Variants in RAB7A observed in about 807,000 individuals in gnomAD.
RAB7A encodes the protein ras-related protein Rab-7a.
RAB7A carries 2 observed loss-of-function variants against 24.5 expected under a neutral mutation model. The ratio of observed to expected loss-of-function variants is 0.08; its 90% CI spans 0.03 to 0.26. RAB7A has a LOEUF of 0.26. Ranked by LOEUF, RAB7A falls within the 10% of genes least tolerant of loss-of-function variation. The probability of loss-of-function intolerance (pLI) is 1.00; values close to 1 mark genes in which losing one functional copy is unlikely to be tolerated. For synonymous variants in RAB7A, 100 were observed against 95.9 expected (o/e 1.04, Z -0.25); for missense variants, 118 against 255.7 (o/e 0.46, Z 3.67).
chr3:128,753,440 G>A (rs76676090), intron 1 of RAB7A, among the ~76,000 whole-genome samples: 6,618 of 152,158 alleles, frequency 0.043, 230 homozygotes, highest in African/African-American at 0.095. Flanking sequence ...AGTAAATTTC[G>A]TATGCGTGTG....
At chr3:128,790,762 A>T (rs1018074402) in intron 1 of RAB7A, among the ~76,000 whole-genome samples, 52 of 152,304 alleles carry the variant, frequency 3.4e-4, no homozygotes, top group African/African-American at 1.2e-3. Context: ...TTTTTATAAC[A>T]TGCTTTTCAA....
rs1933978076 is a variant in RAB7A, at chr3:128,813,648, GC to G, written c.*229del. 8.8e-6 allele frequency: 5 copies of G among 568,668 alleles called. No homozygotes were observed. The highest frequency in any genetic ancestry group is 1.6e-5 in the Non-Finnish European group (5 of 307,192). The allele number at this position is 568,668 out of a possible 1,614,324, so 35.2% of individuals were successfully genotyped here. ...CTGACGTAATCAAACTCCAGCCCTT[GC>G]CCGTGATGGCTCCTTGGGGTCTGCC... On this transcript the variant is annotated 3_prime_UTR_variant, in exon 6 of 6. Coordinates refer to ENST00000265062, the MANE Select transcript of RAB7A (RefSeq NM_004637.6).
chr3:128,765,668 G>A (rs906096880), intron 1 of RAB7A, among the ~76,000 whole-genome samples: 7 of 151,920 alleles, frequency 4.6e-5, no homozygotes, highest in African/African-American at 7.3e-5. Context: ...GAGGTGGCTC[G>A]CTGCAGCCAC....
chr3:128,740,893 G>A (rs117527196), intron 1 of RAB7A, among the ~76,000 whole-genome samples: 5,487 of 74,730 alleles, frequency 0.073, 239 homozygotes, highest in South Asian at 0.28. Context: ...AGAGGGAGAT[G>A]TCTCAAAAAA....
chr3:128,812,684 C>G lies in RAB7A; in HGVS notation c.529-643C>G, dbSNP rs185488246. Among the ~76,000 whole-genome samples, 8 of 152,328 alleles carry G rather than the reference C, an allele frequency of 5.3e-5. No individual in the cohort carries two copies. The East Asian group carries it at 1.3e-3, about 26-fold the overall frequency. On this transcript the variant is annotated intron_variant, in intron 5 of 5. Coordinates refer to ENST00000265062, the MANE Select transcript of RAB7A (RefSeq NM_004637.6). ...ATGACCATAGTCCATGTGCTCTGAT[C>G]ACTTGTCACAGATGGTGATAAAATT...
chr3:128,726,885 C>T (rs2070386045), intron 1 of RAB7A, among the ~76,000 whole-genome samples: 1 of 152,246 alleles, frequency 6.6e-6, no homozygotes, highest in Non-Finnish European at 1.5e-5. Flanking sequence ...AGTCAGGTCA[C>T]GTGCGCTGGG....
intron 1 of RAB7A, among the ~76,000 whole-genome samples, chr3:128,743,580 C>G (rs2070578158): frequency 6.6e-6 from 1 of 152,124 alleles, no homozygotes; most frequent in Non-Finnish European, 1.5e-5. Context: ...ATTAGAGCAA[C>G]TGTCAGCAAT....
chr3:128,777,518 AAC>A (rs1468406088), intron 1 of RAB7A, among the ~76,000 whole-genome samples: 2 of 152,206 alleles, frequency 1.3e-5, no homozygotes, highest in African/African-American at 4.8e-5. Flanking sequence ...TTGATAATAA[AAC>A]ACATGTGACT....
rs1933998585 is a variant in RAB7A, at chr3:128,814,602, T to C, written c.*1180T>C. ...CTTTTCCCCACCCATCTCCCCAATATTGCCCATTATTAATTAACCTCTTTC... is the reference window on the plus strand; with the variant it reads ...CTTTTCCCCACCCATCTCCCCAATACTGCCCATTATTAATTAACCTCTTTC... On this transcript the variant is annotated 3_prime_UTR_variant, in exon 6 of 6. Coordinates refer to ENST00000265062, the MANE Select transcript of RAB7A (RefSeq NM_004637.6). The C allele has an allele frequency of 6.6e-6, 1 of 152,626 alleles. No homozygotes were observed. Among genetic ancestry groups the C allele is most frequent in the Admixed American group, 6.5e-5 (1 of 15,270 alleles). 9.5% of individuals were successfully genotyped at this position (152,626 alleles called of 1,614,324 possible).
intron 4 of RAB7A, 57 bp from the exon 5 acceptor site, chr3:128,807,486 G>C (rs1329126140): frequency 6.2e-7 from 1 of 1,611,734 alleles, no homozygotes; most frequent in Non-Finnish European, 8.5e-7. Flanking sequence ...GGGGAGGATG[G>C]AGTCAGTGCT....
intron 5 of RAB7A, among the ~76,000 whole-genome samples, chr3:128,809,260 C>G (rs958743472): frequency 6.6e-6 from 1 of 152,106 alleles, no homozygotes; most frequent in African/African-American, 2.4e-5. Flanking sequence ...AGTCAGGGTG[C>G]CAGGTTGCTT....
rs376932040 is a variant in RAB7A, at chr3:128,813,505, C to G, written c.*83C>G. 7.0e-6 allele frequency: 9 copies of G among 1,294,872 alleles called. No individual in the cohort carries two copies. Among genetic ancestry groups the G allele is most frequent in the Non-Finnish European group, 8.9e-6 (8 of 895,002 alleles). 80.2% of individuals were successfully genotyped at this position (1,294,872 alleles called of 1,614,324 possible). On this transcript the variant is annotated 3_prime_UTR_variant, in exon 6 of 6. Coordinates refer to ENST00000265062, the MANE Select transcript of RAB7A (RefSeq NM_004637.6). ...TCAACACAATTCCCCTCTCCTCTTC[C>G]AAACAAAACATACATTGATCTCTCA...
At chr3:128,768,952 TTTTC>T (rs1008011719) in intron 1 of RAB7A, among the ~76,000 whole-genome samples, 7 of 149,828 alleles carry the variant, frequency 4.7e-5, no homozygotes, top group African/African-American at 1.2e-4. Flanking sequence ...TCCTTTCCTT[TTTTC>T]TTTCTTTCTT....
At chr3:128,774,794 G>A (rs967416894) in intron 1 of RAB7A, among the ~76,000 whole-genome samples, 3 of 152,028 alleles carry the variant, frequency 2.0e-5, no homozygotes, top group Admixed American at 1.3e-4. Context: ...GGATGGTCTC[G>A]ATCTCCTGCC....
intron 1 of RAB7A, among the ~76,000 whole-genome samples, chr3:128,756,684 C>T (rs1411052346): frequency 6.6e-6 from 1 of 152,054 alleles, no homozygotes; most frequent in Non-Finnish European, 1.5e-5. Flanking sequence ...ATCATGGGAT[C>T]TCCAGTAGCC....
At position 128,782,366 on chromosome 3, in the gene RAB7A, C is replaced by T. The variant is rs1436044672; in HGVS notation, c.-8-12994C>T. Among the ~76,000 whole-genome samples the T allele has an allele frequency of 2.0e-5, 3 of 152,090 alleles. No individual in the cohort carries two copies. In the East Asian group the frequency reaches 5.8e-4, roughly 29 times the overall value. On this transcript the variant is annotated intron_variant, in intron 1 of 5. Coordinates refer to ENST00000265062, the MANE Select transcript of RAB7A (RefSeq NM_004637.6). ...AGAACCGTTCTCCCTCATGGTCCAT[C>T]CAGGCTGATGCCCGCATGGGTGGAG...
intron 1 of RAB7A, among the ~76,000 whole-genome samples, chr3:128,742,673 C>T (rs1264039937): frequency 1.3e-5 from 2 of 151,028 alleles, no homozygotes; most frequent in Non-Finnish European, 2.9e-5. Context: ...CTGATTGGTG[C>T]GTTTACAAAC....
rs978803150 is a variant in RAB7A, at chr3:128,726,192, C to A, written c.-176C>A. ...GTGGGAGCGGGCCTGGAGTCTTGGC[C>A]ATAAAGCCTGAGGCGGCGGCAGCGG... On this transcript the variant is annotated 5_prime_UTR_variant, in exon 1 of 6. Transcript: ENST00000265062. 1 of 154,326 alleles carries A rather than the reference C, an allele frequency of 6.5e-6. No homozygotes were observed. The highest frequency in any genetic ancestry group is 1.8e-4 in the South Asian group (1 of 5,624). The allele number at this position is 154,326 out of a possible 1,614,324, so 9.6% of individuals were successfully genotyped here.
intron 1 of RAB7A, among the ~76,000 whole-genome samples, chr3:128,734,570 G>A (rs1010204141): frequency 3.3e-5 from 5 of 152,102 alleles, no homozygotes; most frequent in Non-Finnish European, 4.4e-5. Flanking sequence ...TTATAGTCTG[G>A]ACTCCATTCC....
Sources: allele counts gnomAD v4.1 joint callset (sites outside exome capture counted in the v4.1 genomes callset), GRCh38; gene constraint gnomAD v4.1.1; transcripts MANE v1.5; gene names NCBI Gene and HGNC (gene_info 2026-07-23, HGNC 2026-07-21).